ACTG2: variants seen among roughly 807,000 people sequenced by gnomAD.
The protein encoded by ACTG2 is actin, gamma-enteric smooth muscle.
In ACTG2, 16 loss-of-function variants were observed where a neutral mutation model predicts 37.6. The observed-to-expected ratio is 0.43, with a 90% CI of 0.29 to 0.65. ACTG2 has a LOEUF of 0.65. Ranked by LOEUF, ACTG2 falls within the 30% of genes least tolerant of loss-of-function variation. The probability of loss-of-function intolerance (pLI) is 0.18; values close to 1 mark genes in which losing one functional copy is unlikely to be tolerated. For synonymous variants in ACTG2, 181 were observed against 179.9 expected, an observed-to-expected ratio of 1.01 and a Z score of -0.05; for missense variants, 238 against 490.9, an observed-to-expected ratio of 0.48 and a Z score of 4.87.
At chr2:73,912,401 C>A (rs1256750269) in intron 5 of ACTG2, among the ~76,000 whole-genome samples, 29 of 152,212 alleles carry the variant, frequency 1.9e-4, no homozygotes, top group Non-Finnish European at 4.1e-4. Flanking sequence ...AAGTGATCTG[C>A]CCCCCTTGGC....
At chr2:73,907,568 ACCT>A (rs1174995067) in intron 3 of ACTG2, among the ~76,000 whole-genome samples, 4 of 151,996 alleles carry the variant, frequency 2.6e-5, no homozygotes, top group Non-Finnish European at 4.4e-5. Context: ...TGCAGCCTTG[ACCT>A]CCTGGGCTCA....
chr2:73,915,211 A>G (rs1483496338), intron 7 of ACTG2, among the ~76,000 whole-genome samples: 1 of 145,534 alleles, frequency 6.9e-6, no homozygotes, highest in East Asian at 1.9e-4. Flanking sequence ...GTGGAATCAT[A>G]TTGCATGGAT....
intron 5 of ACTG2, among the ~76,000 whole-genome samples, chr2:73,910,857 C>A (rs1375224779): frequency 6.6e-6 from 1 of 151,938 alleles, no homozygotes; most frequent in Non-Finnish European, 1.5e-5. Context: ...ATCATCACCC[C>A]CAGCCAAAAA....
rs771864268 is a variant in ACTG2, at chr2:73,901,443, T to C, written c.126+6T>C. 5 of 1,613,740 alleles carry C rather than the reference T, an allele frequency of 3.1e-6. No homozygotes were observed. The Admixed American group carries it at 8.3e-5, about 27-fold the overall frequency. ...TGGGCCGCCCTCGCCACCAGGTGCG[T>C]GCTCATCTGGATACCACCAGGCTTT... is the stretch of plus-strand genomic sequence containing the variant. On this transcript the variant is annotated splice_donor_region_variant and intron_variant, in intron 2 of 8. Coordinates refer to ENST00000345517, the MANE Select transcript of ACTG2 (RefSeq NM_001615.4).
At chr2:73,916,803 TATA>T in intron 8 of ACTG2, 38 bp downstream of exon 8, 1 of 1,595,668 alleles carries the variant, frequency 6.3e-7, no homozygotes, top group African/African-American at 1.3e-5. Context: ...CTGTTCTTTG[TATA>T]AAGTCTTGCC....
At chr2:73,917,052 C>T (rs1455868649) in intron 8 of ACTG2, among the ~76,000 whole-genome samples, 1 of 152,098 alleles carries the variant, frequency 6.6e-6, no homozygotes, top group East Asian at 1.9e-4. Flanking sequence ...TGGCTCATAC[C>T]TGTAATCCCA....
At chr2:73,895,981 T>C (rs1453478472) in intron 1 of ACTG2, among the ~76,000 whole-genome samples, 1 of 152,218 alleles carries the variant, frequency 6.6e-6, no homozygotes, top group Non-Finnish European at 1.5e-5. Context: ...GAGATTTGAA[T>C]GTCATATAAT....
At chr2:73,900,556 T>C (rs931353760) in intron 1 of ACTG2, among the ~76,000 whole-genome samples, 3 of 152,172 alleles carry the variant, frequency 2.0e-5, no homozygotes, top group African/African-American at 7.2e-5. Context: ...GTGAGTCCCA[T>C]CATGGAGTCC....
At chr2:73,909,594 G>A (rs764193454) in intron 5 of ACTG2, among the ~76,000 whole-genome samples, 10 of 152,280 alleles carry the variant, frequency 6.6e-5, no homozygotes, top group Middle Eastern at 3.4e-3. Context: ...TACATGCCCC[G>A]GCTGTATGGC....
chr2:73,916,377 A>G (rs1237408151), intron 7 of ACTG2, among the ~76,000 whole-genome samples: 4 of 38,148 alleles, frequency 1.0e-4, no homozygotes, highest in South Asian at 1.0e-3. Flanking sequence ...CATCTCAGAA[A>G]AAAAAAAAAA....
At position 73,902,447 on chromosome 2, in the gene ACTG2, A is replaced by G. The variant is rs1679911787; in HGVS notation, c.214A>G (p.Ile72Val). The G allele has an allele frequency of 2.5e-6, 4 of 1,614,060 alleles. No homozygotes were observed. Among genetic ancestry groups the G allele is most frequent in the African/African-American group, 1.3e-5 (1 of 74,996 alleles). Residue 72 changes from isoleucine (I) to valine (V), a missense_variant, in exon 3 of 9, where the codon ATT becomes GTT. Transcript: ENST00000345517. ...KRGILTLKYP[I>V]EHGIITNWDD... ...AGGGATCCTAACTCTCAAATACCCC[A>G]TTGAACACGGCATCATCACCAACTG...
At chr2:73,901,529 G>T (rs897514713) in intron 2 of ACTG2, 92 bp downstream of exon 2, 3 of 1,342,904 alleles carry the variant, frequency 2.2e-6, no homozygotes, top group East Asian at 3.0e-5. Flanking sequence ...TTAGGGGAAG[G>T]AAATGTGTGT....
intron 5 of ACTG2, among the ~76,000 whole-genome samples, chr2:73,911,438 A>G (rs1303002096): frequency 6.6e-6 from 1 of 152,064 alleles, no homozygotes; most frequent in Non-Finnish European, 1.5e-5. Flanking sequence ...CAGAGGCTGC[A>G]GTGAGCTGAG....
intron 8 of ACTG2, 108 bp downstream of exon 8, chr2:73,916,873 G>A (rs1260427227): frequency 3.0e-6 from 4 of 1,325,498 alleles, no homozygotes; most frequent in Non-Finnish European, 4.1e-6. Context: ...TGGTCTCCTG[G>A]GTTCAATATC....
intron 3 of ACTG2, chr2:73,903,318 G>A (rs191800240): frequency 2.6e-5 from 4 of 153,508 alleles, no homozygotes; most frequent in Non-Finnish European, 1.5e-5. Context: ...CTTGAAGTCT[G>A]TAATTCACTT....
At position 73,913,125 on chromosome 2, in the gene ACTG2, T is replaced by C. The variant is rs1332611136; in HGVS notation, c.452-360T>C. ...CAGAGGTTTCAGTGAGCCGAGATCA[T>C]GCCATTGCACTCCAGCCTGGGCAAC... On this transcript the variant is annotated intron_variant, in intron 5 of 8. Transcript: ENST00000345517. Among the ~76,000 whole-genome samples, 7 of 145,594 alleles carry C rather than the reference T, an allele frequency of 4.8e-5. 1 individual carries two copies. Among genetic ancestry groups the C allele is most frequent in the Non-Finnish European group, 8.9e-5 (6 of 67,254 alleles).
chr2:73,908,647 G>A, intron 3 of ACTG2, 26 bp from the exon 4 acceptor site: 5 of 1,562,946 alleles, frequency 3.2e-6, no homozygotes, highest in Non-Finnish European at 4.4e-6. Flanking sequence ...AGTCTGCCAG[G>A]CTCATATGGC....
chr2:73,904,763 GTGTGTGTGTGTGTGTA>G (rs1223548783), intron 3 of ACTG2, among the ~76,000 whole-genome samples: 3 of 58,360 alleles, frequency 5.1e-5, no homozygotes, highest in African/African-American at 7.8e-5. Context: ...GTGTGTGTGT[GTGTGTGTGTGTGTGTA>G]TATATATATA....
intron 3 of ACTG2, among the ~76,000 whole-genome samples, chr2:73,906,158 A>T (rs943915694): frequency 3.3e-5 from 5 of 151,864 alleles, no homozygotes; most frequent in African/African-American, 1.2e-4. Flanking sequence ...TTATTCCATT[A>T]AAAAAAATTT....
Sources: allele counts gnomAD v4.1 joint callset (sites outside exome capture counted in the v4.1 genomes callset), GRCh38; gene constraint gnomAD v4.1.1; transcripts MANE v1.5; gene names NCBI Gene and HGNC (gene_info 2026-07-23, HGNC 2026-07-21).